Variants in ROR1 observed in about 807,000 individuals in gnomAD.
ROR1 encodes the protein ROR family WNT receptor 1.
In ROR1, 19 loss-of-function variants were observed where a neutral mutation model predicts 78.8. The ratio of observed to expected loss-of-function variants is 0.24; its 90% confidence interval spans 0.17 to 0.35. The LOEUF (loss-of-function observed/expected upper bound fraction) is 0.35, where lower values mean the gene tolerates loss of function less well. Among genes scored for constraint, ROR1 ranks in the 10% least tolerant of loss-of-function variants. The probability of loss-of-function intolerance (pLI) is 1.00; values close to 1 mark genes in which losing one functional copy is unlikely to be tolerated. For missense variants in ROR1, 917 were observed against 1,177.8 expected, an observed-to-expected ratio of 0.78 and a Z score of 3.24; for synonymous variants, 386 against 433.6, an observed-to-expected ratio of 0.89 and a Z score of 1.36.
chr1:64,082,389 C>G (rs925355361), intron 4 of ROR1, among the ~76,000 whole-genome samples: 1 of 152,110 alleles, frequency 6.6e-6, no homozygotes, highest in Non-Finnish European at 1.5e-5. Flanking sequence ...ATTACTTAAA[C>G]CTCTCTAGTT....
At position 63,792,453 on chromosome 1, in the gene ROR1, G is replaced by A. The variant is rs139002656; in HGVS notation, c.91+17945G>A. Among the ~76,000 whole-genome samples, 7 of 152,200 alleles carry A rather than the reference G, an allele frequency of 4.6e-5. No individual in the cohort carries two copies. In the East Asian group the frequency reaches 1.4e-3, roughly 30 times the overall value. On this transcript the variant is annotated intron_variant, in intron 1 of 8. Transcript: ENST00000371079. ...GAGGGAGCAGTTCTCATTTACATGG[G>A]GAGTGTATAAGTCACAGCCCTGCAC...
intron 8 of ROR1, among the ~76,000 whole-genome samples, chr1:64,169,355 C>T (rs2100738989): frequency 6.6e-6 from 1 of 152,222 alleles, no homozygotes; most frequent in East Asian, 1.9e-4. Context: ...GCAAGGAGGA[C>T]CAAGTCACAT....
intron 1 of ROR1, among the ~76,000 whole-genome samples, chr1:63,900,238 G>A (rs973379569): frequency 2.0e-5 from 3 of 152,238 alleles, no homozygotes; most frequent in Admixed American, 2.0e-4. Flanking sequence ...CAGATCACCT[G>A]AGGTCAGGAG....
chr1:64,169,955 A>T (rs1410469364), intron 8 of ROR1, among the ~76,000 whole-genome samples: 1 of 151,984 alleles, frequency 6.6e-6, no homozygotes, highest in Non-Finnish European at 1.5e-5. Flanking sequence ...CAAGCAGTGC[A>T]TCAGACACCT....
intron 1 of ROR1, among the ~76,000 whole-genome samples, chr1:63,951,626 G>T (rs981059771): frequency 6.6e-6 from 1 of 152,156 alleles, no homozygotes; most frequent in African/African-American, 2.4e-5. Context: ...TGAAGATGAC[G>T]TTCTGGGCTC....
chr1:64,158,183 T>C (rs1463672750), intron 7 of ROR1, among the ~76,000 whole-genome samples: 1 of 152,148 alleles, frequency 6.6e-6, no homozygotes, highest in Non-Finnish European at 1.5e-5. Flanking sequence ...CAATGGGATA[T>C]AAGATTTCAA....
intron 8 of ROR1, among the ~76,000 whole-genome samples, 195 bp downstream of exon 8, chr1:64,159,387 T>C (rs747533884): frequency 5.4e-4 from 83 of 152,302 alleles, no homozygotes; most frequent in Middle Eastern, 6.8e-3. Context: ...TATGTCTACT[T>C]CAGTGTTGAG....
Position 64,178,734 on chromosome 1 carries a change from G to T in ROR1, c.2693G>T (p.Gly898Val), listed in dbSNP as rs747240620. Reference protein sequence around the residue: ...MSIPNHPGGMGITVFGNKSQK... With the variant: ...MSIPNHPGGMVITVFGNKSQK... ...ATTCCAAATCATCCTGGTGGAATGG[G>T]TATCACCGTTTTTGGCAACAAATCT... Residue 898 changes from glycine to valine, a missense_variant, in exon 9 of 9, where the codon GGT becomes GTT. Physicochemically the swap from Gly to Val is moderately radical, Grantham distance 109 (BLOSUM62 -3). Around this residue, in one of 3 missense-constraint regions of ROR1, gnomAD observed 835 missense variants for 1,069.8 expected, o/e 0.78. Transcript: ENST00000371079. The surrounding 1 kb of genome is among the most constrained non-coding windows in gnomAD (Gnocchi z 4.3). The T allele has an allele frequency of 2.5e-6, 4 of 1,613,974 alleles. No individual in the cohort carries two copies. Among genetic ancestry groups the T allele is most frequent in the Non-Finnish European group, 3.4e-6 (4 of 1,179,984 alleles).
intron 4 of ROR1, among the ~76,000 whole-genome samples, chr1:64,071,650 G>T (rs957599409): frequency 2.6e-5 from 4 of 151,428 alleles, no homozygotes; most frequent in Non-Finnish European, 5.9e-5. Flanking sequence ...GTATTTATGG[G>T]TTTCATCCTC....
At chr1:63,797,616 T>C (rs1332963444) in intron 1 of ROR1, among the ~76,000 whole-genome samples, 7 of 152,192 alleles carry the variant, frequency 4.6e-5, no homozygotes, top group Admixed American at 4.6e-4. Flanking sequence ...GAAATTCAGC[T>C]CTATTTGAAC....
At chr1:63,918,103 C>T (rs941878355) in intron 1 of ROR1, among the ~76,000 whole-genome samples, 1 of 152,218 alleles carries the variant, frequency 6.6e-6, no homozygotes, top group Non-Finnish European at 1.5e-5. Flanking sequence ...AGCCCTGACT[C>T]GGGTGCCCCG....
intron 1 of ROR1, among the ~76,000 whole-genome samples, chr1:63,932,475 A>C (rs1458396137): frequency 6.6e-6 from 1 of 152,154 alleles, no homozygotes; most frequent in Admixed American, 6.5e-5. Context: ...ATGAGAAGTG[A>C]GGCCTACCAA....
intron 1 of ROR1, among the ~76,000 whole-genome samples, chr1:63,951,016 A>G (rs1453648765): frequency 6.6e-6 from 1 of 152,208 alleles, no homozygotes; most frequent in Non-Finnish European, 1.5e-5. Flanking sequence ...TTCAAAAATA[A>G]CATGTGAAAT....
At chr1:63,785,955 T>A (rs1316648715) in intron 1 of ROR1, among the ~76,000 whole-genome samples, 1 of 152,218 alleles carries the variant, frequency 6.6e-6, no homozygotes, top group Non-Finnish European at 1.5e-5. Flanking sequence ...AAACTTTGCC[T>A]GTGACCAGGT....
chr1:63,946,911 C>T (rs150762850), intron 1 of ROR1, among the ~76,000 whole-genome samples: 8 of 152,322 alleles, frequency 5.3e-5, no homozygotes, highest in Non-Finnish European at 8.8e-5. Flanking sequence ...TAAGGCTTCA[C>T]CAGACCTCTG....
chr1:64,126,948 T>C (rs1648732195), intron 4 of ROR1, among the ~76,000 whole-genome samples: 1 of 152,176 alleles, frequency 6.6e-6, no homozygotes, highest in South Asian at 2.1e-4. Context: ...CCTCTAAAAA[T>C]CCTTCTTCAG....
intron 1 of ROR1, among the ~76,000 whole-genome samples, chr1:63,876,338 A>T (rs1303981675): frequency 6.6e-6 from 1 of 152,170 alleles, no homozygotes; most frequent in Admixed American, 6.5e-5. Context: ...TTATTTTCAC[A>T]GAAGAATTTC....
chr1:63,864,162 T>C (rs2100349670), intron 1 of ROR1, among the ~76,000 whole-genome samples: 1 of 152,288 alleles, frequency 6.6e-6, no homozygotes, highest in Admixed American at 6.5e-5. Context: ...GTACAAGAAA[T>C]TAAGTAAAAC....
rs546186148 is a variant in ROR1, at chr1:63,982,861, A to G, written c.92-26444A>G. Among the ~76,000 whole-genome samples the G allele has an allele frequency of 3.3e-5, 5 of 152,264 alleles. No homozygotes were observed. In the South Asian group the frequency reaches 1.0e-3, roughly 32 times the overall value. On this transcript the variant is annotated intron_variant, in intron 1 of 8. Transcript: ENST00000371079. ...ACCAGACTCCTGGTCTACTAGATAT[A>G]TAACCTGGAAAATAATTTAATCTGT...
Sources: gnomAD v4.1 joint callset for allele counts (sites outside exome capture counted in the v4.1 genomes callset) on GRCh38, gnomAD v4.1.1 for gene constraint, gnomAD v4.1.1 regional missense constraint, Gnocchi (gnomAD v3.1) non-coding constraint, MANE v1.5 for transcripts, NCBI Gene and HGNC (gene_info 2026-07-23, HGNC 2026-07-21) for gene names.